Variants in EHBP1 observed in about 807,000 individuals in gnomAD.
EHBP1 encodes the protein EH domain-binding protein 1.
In EHBP1, 55 loss-of-function variants were observed where a neutral mutation model predicts 144.0. The observed-to-expected ratio is 0.38, with a 90% CI of 0.31 to 0.48. EHBP1 has a LOEUF of 0.48. Among genes scored for constraint, EHBP1 ranks in the 20% least tolerant of loss-of-function variants. EHBP1 has a pLI of 0.98. For missense variants in EHBP1, 1,200 were observed against 1,364.2 expected, an observed-to-expected ratio of 0.88 and a Z score of 1.90; for synonymous variants, 469 against 472.7, an observed-to-expected ratio of 0.99 and a Z score of 0.10.
Position 62,942,727 on chromosome 2 carries a change from A to T in EHBP1, c.1195A>T (p.Ile399Leu). Residue 399 changes from isoleucine to leucine, a missense_variant, in exon 11 of 23, where the codon ATA (isoleucine) becomes TTA (leucine). Physicochemically the swap from Ile to Leu is conservative, Grantham distance 5. Around this residue, in one of 6 missense-constraint regions of EHBP1, gnomAD observed 266 missense variants for 262.4 expected, o/e 1.01. Coordinates refer to ENST00000431489, the MANE Select transcript of EHBP1 (RefSeq NM_001142616.3). ...DLSTSPKPSP[I>L]PSPVLGRKPN... Reference sequence around the variant, plus strand: ...TTTCATTTTTTTCTAGCCAAGCCCTATACCAAGTCCTGTTTTGGGGCGAAA... The same window carrying T: ...TTTCATTTTTTTCTAGCCAAGCCCTTTACCAAGTCCTGTTTTGGGGCGAAA... 1 of 1,602,346 alleles carries T rather than the reference A, an allele frequency of 6.2e-7. No individual in the cohort carries two copies. Among genetic ancestry groups the T allele is most frequent in the Non-Finnish European group, 8.5e-7 (1 of 1,173,958 alleles).
intron 19 of EHBP1, among the ~76,000 whole-genome samples, chr2:63,000,328 C>T (rs1055369638): frequency 5.9e-5 from 9 of 151,778 alleles, no homozygotes; most frequent in Non-Finnish European, 8.8e-5. Context: ...TTCAGTAATC[C>T]TAAATCAGTG....
At chr2:62,917,215 G>C (rs1170139444) in intron 10 of EHBP1, among the ~76,000 whole-genome samples, 1 of 152,122 alleles carries the variant, frequency 6.6e-6, no homozygotes, top group East Asian at 1.9e-4. Flanking sequence ...ACATGAAATA[G>C]GAGGGAGGTC....
chr2:62,919,268 C>T (rs13393140), intron 10 of EHBP1, among the ~76,000 whole-genome samples: 5 of 152,264 alleles, frequency 3.3e-5, no homozygotes, highest in Admixed American at 2.0e-4. Flanking sequence ...AAGTGACTTC[C>T]GGGGGACTTA....
At chr2:62,736,481 C>T (rs112241362) in intron 2 of EHBP1, among the ~76,000 whole-genome samples, 5,759 of 152,156 alleles carry the variant, frequency 0.038, 379 homozygotes, top group African/African-American at 0.13. Context: ...GCCTTGGCCT[C>T]GCAAAGCGCT....
intron 15 of EHBP1, among the ~76,000 whole-genome samples, chr2:62,989,959 A>C (rs2153222293): frequency 6.6e-6 from 1 of 152,290 alleles, no homozygotes; most frequent in Middle Eastern, 3.4e-3. Context: ...GAGTCTTATA[A>C]TTAGAAAAGT....
rs1201395140 is a variant in EHBP1, at chr2:62,769,974, G to T, written c.259-1365G>T. On this transcript the variant is annotated intron_variant, in intron 4 of 22. Coordinates refer to ENST00000431489, the MANE Select transcript of EHBP1 (RefSeq NM_001142616.3). The stretch of plus-strand genomic sequence containing the variant: ...AATAACTGGCTAGCCATATGCAGAA[G>T]ACTGAAGCTGGACCCCTTTCTTACA... Among the ~76,000 whole-genome samples the T allele has an allele frequency of 5.9e-5, 9 of 152,036 alleles. No individual in the cohort carries two copies. The South Asian group carries it at 1.9e-3, about 32-fold the overall frequency.
chr2:62,786,453 C>T (rs572380054), intron 5 of EHBP1, among the ~76,000 whole-genome samples: 36 of 152,192 alleles, frequency 2.4e-4, no homozygotes, highest in Non-Finnish European at 4.6e-4. Flanking sequence ...ACAAACCTGC[C>T]GTGGTTCAAA....
At chr2:62,903,759 C>G (rs1235296597) in intron 10 of EHBP1, among the ~76,000 whole-genome samples, 5 of 146,480 alleles carry the variant, frequency 3.4e-5, no homozygotes, top group Non-Finnish European at 7.5e-5. Context: ...GAGTGAGACC[C>G]TGCCTTGAAG....
At chr2:62,812,566 G>C (rs2045101855) in intron 5 of EHBP1, among the ~76,000 whole-genome samples, 1 of 152,140 alleles carries the variant, frequency 6.6e-6, no homozygotes, top group African/African-American at 2.4e-5. Context: ...GGACAGTAAA[G>C]GCTATTCTGA....
At chr2:62,754,558 G>A (rs2040080876) in intron 3 of EHBP1, among the ~76,000 whole-genome samples, 1 of 152,228 alleles carries the variant, frequency 6.6e-6, no homozygotes, top group African/African-American at 2.4e-5. Context: ...GGTTTCTGCT[G>A]CCTTTTGTTC....
chr2:62,927,828 A>G (rs1016530584), intron 10 of EHBP1, among the ~76,000 whole-genome samples: 1 of 152,226 alleles, frequency 6.6e-6, no homozygotes, highest in Non-Finnish European at 1.5e-5. Context: ...CACATGGGAC[A>G]TTTCCTGGAT....
At chr2:62,874,869 C>G (rs923468330) in intron 10 of EHBP1, among the ~76,000 whole-genome samples, 1 of 152,136 alleles carries the variant, frequency 6.6e-6, no homozygotes, top group Non-Finnish European at 1.5e-5. Context: ...GATGGACACC[C>G]ACCCACCGCC....
chr2:62,889,045 CTCTTTTTT>C (rs2052197586), intron 10 of EHBP1, among the ~76,000 whole-genome samples: 1 of 95,228 alleles, frequency 1.1e-5, no homozygotes, highest in Admixed American at 1.4e-4. Flanking sequence ...CAGTAGGTAC[CTCTTTTTT>C]TTTTTTTTTT....
chr2:62,826,781 A>G (rs1240024461), intron 6 of EHBP1, among the ~76,000 whole-genome samples: 1 of 152,204 alleles, frequency 6.6e-6, no homozygotes, highest in African/African-American at 2.4e-5. Flanking sequence ...CTTCTTAAGC[A>G]CTGAGTCAGC....
intron 5 of EHBP1, among the ~76,000 whole-genome samples, chr2:62,775,215 C>A (rs1006814899): frequency 2.6e-5 from 4 of 152,060 alleles, no homozygotes; most frequent in South Asian, 2.1e-4. Flanking sequence ...TTTAAAATAA[C>A]CTTGGCATTC....
chr2:62,889,705 G>A (rs1458856558), intron 10 of EHBP1, among the ~76,000 whole-genome samples: 1 of 152,096 alleles, frequency 6.6e-6, no homozygotes, highest in Non-Finnish European at 1.5e-5. Flanking sequence ...TCAGATAGTT[G>A]TAAGGATGTG....
chr2:62,848,639 CA>C (rs1204019585), intron 7 of EHBP1, among the ~76,000 whole-genome samples: 1 of 152,178 alleles, frequency 6.6e-6, no homozygotes, highest in Non-Finnish European at 1.5e-5. Flanking sequence ...AGATGTACCT[CA>C]AAACCATTAT....
At chr2:62,826,398 G>C (rs1357806162) in intron 6 of EHBP1, 130 bp downstream of exon 6, 1 of 818,108 alleles carries the variant, frequency 1.2e-6, no homozygotes, top group East Asian at 2.9e-5. Flanking sequence ...TTGTTTCAGA[G>C]GCTGAATTAA....
chr2:62,826,319 A>G, intron 6 of EHBP1, 51 bp downstream of exon 6: 2 of 1,478,814 alleles, frequency 1.4e-6, no homozygotes, highest in Non-Finnish European at 1.8e-6. Flanking sequence ...TCAGTACACC[A>G]TAGCTTTTGA....
Sources: gnomAD v4.1 joint callset for allele counts (sites outside exome capture counted in the v4.1 genomes callset) on GRCh38, gnomAD v4.1.1 for gene constraint, gnomAD v4.1.1 regional missense constraint, MANE v1.5 for transcripts, NCBI Gene and HGNC (gene_info 2026-07-23, HGNC 2026-07-21) for gene names.